Variants in RGS6 observed in about 807,000 individuals in gnomAD.
RGS6 encodes the protein regulator of G protein signaling 6, also known as regulator of G-protein signaling 6.
RGS6 carries 30 observed loss-of-function variants against 78.5 expected under a neutral mutation model. The observed-to-expected ratio is 0.38, with a 90% CI of 0.29 to 0.52. RGS6 has a LOEUF of 0.52. Among genes scored for constraint, RGS6 ranks in the 20% least tolerant of loss-of-function variants. RGS6 has a pLI of 0.85. For missense variants in RGS6, 495 were observed against 609.7 expected, an observed-to-expected ratio of 0.81 and a Z score of 1.98; for synonymous variants, 206 against 206.0, an observed-to-expected ratio of 1.00 and a Z score of 0.00.
intron 2 of RGS6, among the ~76,000 whole-genome samples, chr14:72,082,685 T>C (rs748232250): frequency 1.3e-5 from 2 of 152,146 alleles, no homozygotes; most frequent in Non-Finnish European, 2.9e-5. Context: ...AATTATATAC[T>C]ACGTTGGTTT....
intron 3 of RGS6, among the ~76,000 whole-genome samples, chr14:72,451,502 G>C (rs181325119): frequency 7.9e-5 from 12 of 152,160 alleles, no homozygotes; most frequent in Non-Finnish European, 1.8e-4. Flanking sequence ...GGGGTGGTTG[G>C]GGGGAGCGGA....
intron 2 of RGS6, among the ~76,000 whole-genome samples, chr14:72,016,592 C>T (rs1388610134): frequency 1.3e-5 from 2 of 152,178 alleles, no homozygotes; most frequent in Admixed American, 6.5e-5. Context: ...GTCTCAATCT[C>T]CTGACCTCGT....
intron 1 of RGS6, among the ~76,000 whole-genome samples, chr14:71,934,382 A>G (rs1424225962): frequency 6.6e-6 from 1 of 152,216 alleles, no homozygotes; most frequent in Non-Finnish European, 1.5e-5. Context: ...GTTGGGAGGT[A>G]TTGTGATGAA....
intron 2 of RGS6, among the ~76,000 whole-genome samples, chr14:72,281,400 C>T (rs922104932): frequency 2.6e-5 from 4 of 152,076 alleles, no homozygotes; most frequent in Non-Finnish European, 5.9e-5. Flanking sequence ...CCGCCTACCT[C>T]GGCCTCCCAA....
rs374698862 is a variant in RGS6, at chr14:72,119,020, A to AT, written c.84+154150dup. 1.6e-3 allele frequency among the ~76,000 whole-genome samples: 240 copies of AT among 152,256 alleles called. 1 individual carries two copies. Among genetic ancestry groups the AT allele is most frequent in the African/African-American group, 5.7e-3 (236 of 41,552 alleles). Reference sequence around the variant, plus strand: ...ATGTTTTTTTGGATAGATATTATCTATTTTTGTGTAGTGTTGTAAGGTTTC... The same window carrying AT: ...ATGTTTTTTTGGATAGATATTATCTATTTTTTGTGTAGTGTTGTAAGGTTTC... On this transcript the variant is annotated intron_variant, in intron 2 of 17. Coordinates refer to ENST00000553525, the MANE Select transcript of RGS6 (RefSeq NM_001204424.2).
intron 1 of RGS6, among the ~76,000 whole-genome samples, chr14:71,947,173 T>G (rs1471363302): frequency 1.3e-5 from 2 of 152,276 alleles, no homozygotes; most frequent in Admixed American, 1.3e-4. Context: ...TTCAATGCCT[T>G]TCAGTCAGAG....
chr14:72,541,394 A>G, intron 17 of RGS6: 1 of 1,470,378 alleles, frequency 6.8e-7, no homozygotes, highest in Non-Finnish European at 9.1e-7. Context: ...GTGGGTGGCA[A>G]TTAATTAAAC....
At chr14:72,607,803 G>T in the RGS6 span, among the ~76,000 whole-genome samples, 1 of 152,142 alleles carries the variant, frequency 6.6e-6, no homozygotes, top group African/African-American at 2.4e-5. Flanking sequence ...CCCTGAATGC[G>T]AACATCTCTC....
chr14:72,101,983 T>C (rs552703366), intron 2 of RGS6, among the ~76,000 whole-genome samples: 7 of 152,306 alleles, frequency 4.6e-5, no homozygotes, highest in African/African-American at 1.4e-4. Flanking sequence ...AATACTCAGG[T>C]TGAAGACAAG....
chr14:71,925,712 CATATTATATTATATT>C, the RGS6 span, among the ~76,000 whole-genome samples: 1 of 96,258 alleles, frequency 1.0e-5, no homozygotes, highest in Non-Finnish European at 2.0e-5. Flanking sequence ...TAGATGACTT[CATATTATATTATATT>C]ATATTATATT....
intron 15 of RGS6, among the ~76,000 whole-genome samples, chr14:72,521,313 C>T (rs1273094089): frequency 2.6e-5 from 4 of 152,180 alleles, no homozygotes; most frequent in East Asian, 1.9e-4. Flanking sequence ...GTATGATTAT[C>T]GCCTGGTTCT....
intron 3 of RGS6, among the ~76,000 whole-genome samples, chr14:72,380,805 A>C (rs1034825993): frequency 2.6e-5 from 4 of 152,168 alleles, no homozygotes; most frequent in South Asian, 2.1e-4. Context: ...AGCATCCAGC[A>C]ATTCCACTAC....
intron 2 of RGS6, among the ~76,000 whole-genome samples, chr14:72,283,245 A>G (rs943290779): frequency 1.3e-5 from 2 of 152,184 alleles, no homozygotes; most frequent in African/African-American, 4.8e-5. Flanking sequence ...TGGGCGTGCA[A>G]ATATCTCTTC....
intron 2 of RGS6, among the ~76,000 whole-genome samples, chr14:72,319,620 C>T (rs562431546): frequency 1.4e-4 from 21 of 151,980 alleles, no homozygotes; most frequent in African/African-American, 3.9e-4. Flanking sequence ...GGATTACAGG[C>T]GTGAGCCACC....
chr14:72,144,657 C>T (rs1279493932), intron 2 of RGS6, among the ~76,000 whole-genome samples: 1 of 152,148 alleles, frequency 6.6e-6, no homozygotes, highest in Non-Finnish European at 1.5e-5. Context: ...CACTATGTAG[C>T]TACAAGCTGG....
the RGS6 span, among the ~76,000 whole-genome samples, chr14:72,618,635 C>T: frequency 2.0e-5 from 3 of 152,108 alleles, no homozygotes; most frequent in Non-Finnish European, 4.4e-5. Context: ...CATGTCTCTG[C>T]GCGTCTCCCT....
chr14:71,964,873 A>T lies in RGS6; in HGVS notation c.82A>T (p.Lys28Ter). 6.2e-7 allele frequency: 1 copy of T among 1,613,284 alleles called. No homozygotes were observed. The highest frequency in any genetic ancestry group is 8.5e-7 in the Non-Finnish European group (1 of 1,179,420). Reference protein sequence around the residue: ...ESSPNMIVYCKIEDIITKMQD... With the variant: ...ESSPNMIVYC ...TTCTCCAAACATGATCGTTTACTGC[A>T]AAGTAAGGCGCCTGGTCAAGTGCCG... is the stretch of plus-strand genomic sequence containing the variant. Residue 28 changes from lysine (K) to a stop codon, truncating the protein, a stop_gained and splice_region_variant, in exon 2 of 18, where the codon AAA (lysine) becomes TAA (stop). Coordinates refer to ENST00000553525, the MANE Select transcript of RGS6 (RefSeq NM_001204424.2). LOFTEE classifies it high-confidence loss of function.
intron 2 of RGS6, among the ~76,000 whole-genome samples, chr14:72,284,679 C>T (rs1223155056): frequency 1.3e-5 from 2 of 152,240 alleles, no homozygotes; most frequent in Non-Finnish European, 2.9e-5. Flanking sequence ...AGAGTCCCCA[C>T]AGGGGCACTG....
At chr14:72,301,195 T>C (rs1263291769) in intron 2 of RGS6, among the ~76,000 whole-genome samples, 1 of 152,110 alleles carries the variant, frequency 6.6e-6, no homozygotes, top group Non-Finnish European at 1.5e-5. Context: ...GGAAACAATA[T>C]AGGAAAGATA....
Sources: gnomAD v4.1 joint callset for allele counts (sites outside exome capture counted in the v4.1 genomes callset) on GRCh38, gnomAD v4.1.1 for gene constraint, MANE v1.5 for transcripts, NCBI Gene and HGNC (gene_info 2026-07-23, HGNC 2026-07-21) for gene names.